Variants in CDH7 observed in about 807,000 individuals in gnomAD.
The protein encoded by CDH7 is cadherin 7.
In CDH7, 25 loss-of-function variants were observed where a neutral mutation model predicts 71.8. The ratio of observed to expected loss-of-function variants is 0.35; its 90% CI spans 0.25 to 0.49. CDH7 has a LOEUF of 0.49. Ranked by LOEUF, CDH7 falls within the 20% of genes least tolerant of loss-of-function variation. The probability of loss-of-function intolerance (pLI) is 0.99; values close to 1 mark genes in which losing one functional copy is unlikely to be tolerated. For missense variants in CDH7, 862 were observed against 974.6 expected (o/e 0.88, Z 1.54); for synonymous variants, 381 against 363.8 (o/e 1.05, Z -0.54).
intron 11 of CDH7, among the ~76,000 whole-genome samples, chr18:65,869,480 C>A (rs965284573): frequency 6.7e-6 from 1 of 149,216 alleles, no homozygotes; most frequent in African/African-American, 2.5e-5. Flanking sequence ...GTTGCTTTTT[C>A]TAAGACTCAT....
At chr18:65,826,630 G>A (rs1365944310) in intron 6 of CDH7, among the ~76,000 whole-genome samples, 1 of 151,220 alleles carries the variant, frequency 6.6e-6, no homozygotes, top group African/African-American at 2.4e-5. Context: ...AATGTTAATA[G>A]TATCATTTCT....
intron 2 of CDH7, among the ~76,000 whole-genome samples, chr18:65,799,704 G>A: frequency 1.3e-5 from 2 of 151,398 alleles, no homozygotes; most frequent in Non-Finnish European, 2.9e-5. Flanking sequence ...ATCCCACTCT[G>A]ATCCTTTGGT....
chr18:65,843,792 C>G lies in CDH7; in HGVS notation c.982-20C>G. ...ACTGTTTAACCGGTAATTTAATTTT[C>G]CTAACGACTTTCTTTACAGGAGCTG... On this transcript the variant is annotated intron_variant, in intron 6 of 11. Transcript: ENST00000397968. The G allele has an allele frequency of 6.8e-7, 1 of 1,474,566 alleles. No individual in the cohort carries two copies. The allele number at this position is 1,474,566 out of a possible 1,614,324, so 91.3% of individuals were successfully genotyped here.
chr18:65,878,438 G>A (rs1914131460), intron 11 of CDH7, among the ~76,000 whole-genome samples: 1 of 152,152 alleles, frequency 6.6e-6, no homozygotes, highest in African/African-American at 2.4e-5. Context: ...TAGGAAGGTT[G>A]GACAAGGCCT....
chr18:65,828,325 T>A (rs1277889859), intron 6 of CDH7, among the ~76,000 whole-genome samples: 1 of 152,116 alleles, frequency 6.6e-6, no homozygotes, highest in Non-Finnish European at 1.5e-5. Context: ...TCTTTTCACT[T>A]GCAAAAATTG....
In CDH7 at chr18:65,885,684, G is replaced by C. The variant is rs1914359737; in HGVS notation, c.*4790G>C. On this transcript the variant is annotated 3_prime_UTR_variant, in exon 12 of 12. Transcript: ENST00000397968. Reference sequence around the variant, plus strand: ...CCCGGCCCTGTGTGTGCGTTTTCATGTGTGTGATTGGGAACCTTGAGAGAT... The same window carrying C: ...CCCGGCCCTGTGTGTGCGTTTTCATCTGTGTGATTGGGAACCTTGAGAGAT... The C allele has an allele frequency of 6.6e-6, 1 of 152,142 alleles. No homozygotes were observed. Among genetic ancestry groups the C allele is most frequent in the African/African-American group, 2.4e-5 (1 of 41,428 alleles). 9.4% of individuals were successfully genotyped at this position (152,142 alleles called of 1,614,324 possible).
chr18:65,857,204 C>T (rs1913389917), intron 7 of CDH7, among the ~76,000 whole-genome samples: 1 of 151,260 alleles, frequency 6.6e-6, no homozygotes, highest in Admixed American at 6.6e-5. Context: ...TGAATTTAGC[C>T]AGTGATGGTG....
chr18:65,875,361 A>T (rs908881466), intron 11 of CDH7, among the ~76,000 whole-genome samples: 20 of 152,196 alleles, frequency 1.3e-4, no homozygotes, highest in African/African-American at 4.6e-4. Flanking sequence ...CTCCAATAGA[A>T]ATCATGTTCC....
Position 65,824,803 on chromosome 18 carries a change from C to T in CDH7, c.953C>T (p.Thr318Ile), listed in dbSNP as rs772673849. The T allele has an allele frequency of 6.2e-7, 1 of 1,610,938 alleles. No homozygotes were observed. The highest frequency in any genetic ancestry group is 1.1e-5 in the South Asian group (1 of 90,920). The change falls in exon 6 of 12, where the codon ACC becomes ATC. Residue 318 changes from threonine to isoleucine, a missense_variant. Thr to Ile is a moderately conservative substitution (Grantham distance 89). Transcript: ENST00000397968. ...TTTAAGATTTCTGTTGACAAAGAAA[C>T]CCAGGAAGGAATCATTACTATACAG... Reference protein sequence around the residue: ...GIFKISVDKETQEGIITIQKE... With the variant: ...GIFKISVDKEIQEGIITIQKE...
chr18:65,824,911 C>A, intron 6 of CDH7, 80 bp downstream of exon 6: 2 of 910,504 alleles, frequency 2.2e-6, no homozygotes, highest in Non-Finnish European at 3.2e-6. Flanking sequence ...ACTAGACAAA[C>A]CGAATGGCCA....
At chr18:65,794,324 T>C (rs918033225) in intron 2 of CDH7, among the ~76,000 whole-genome samples, 9 of 152,138 alleles carry the variant, frequency 5.9e-5, no homozygotes, top group Admixed American at 4.6e-4. Context: ...AATAGCGATG[T>C]GTTTTAATAA....
intron 2 of CDH7, among the ~76,000 whole-genome samples, chr18:65,788,160 T>C (rs953131325): frequency 5.3e-5 from 8 of 152,184 alleles, no homozygotes; most frequent in Non-Finnish European, 7.3e-5. Context: ...AACAACTTAT[T>C]AAACTGTTCA....
chr18:65,830,967 T>C (rs1912329051), intron 6 of CDH7, among the ~76,000 whole-genome samples: 1 of 152,026 alleles, frequency 6.6e-6, no homozygotes, highest in South Asian at 2.1e-4. Flanking sequence ...AATACATCTT[T>C]TTAAAAAATT....
chr18:65,853,905 C>CTA (rs1491433359), intron 7 of CDH7, among the ~76,000 whole-genome samples: 2 of 43,056 alleles, frequency 4.6e-5, no homozygotes, highest in African/African-American at 9.9e-5. Flanking sequence ...TCATAAATTA[C>CTA]CATATATATA....
chr18:65,813,622 G>C (rs960696911), intron 3 of CDH7, among the ~76,000 whole-genome samples: 1 of 151,840 alleles, frequency 6.6e-6, no homozygotes, highest in African/African-American at 2.4e-5. Flanking sequence ...AAAGGGGCTT[G>C]TTCCATATTT....
At chr18:65,835,269 A>G (rs1029494742) in intron 6 of CDH7, among the ~76,000 whole-genome samples, 2 of 152,216 alleles carry the variant, frequency 1.3e-5, no homozygotes, top group Admixed American at 6.5e-5. Flanking sequence ...AGATTCAGGT[A>G]GTGAAGGGAA....
intron 7 of CDH7, among the ~76,000 whole-genome samples, chr18:65,854,121 A>G (rs1384094166): frequency 2.0e-5 from 3 of 151,122 alleles, no homozygotes; most frequent in Admixed American, 6.6e-5. Flanking sequence ...CCCTGGCAGC[A>G]ATAGTGAGAC....
At chr18:65,829,613 C>G (rs1287397467) in intron 6 of CDH7, among the ~76,000 whole-genome samples, 6 of 151,990 alleles carry the variant, frequency 3.9e-5, no homozygotes, top group Admixed American at 1.3e-4. Flanking sequence ...TCCAGTTCTT[C>G]AAACCTCCCC....
intron 11 of CDH7, among the ~76,000 whole-genome samples, chr18:65,875,906 G>A (rs1914060110): frequency 1.3e-5 from 2 of 152,252 alleles, no homozygotes; most frequent in South Asian, 4.1e-4. Context: ...TTCAGCCTGG[G>A]TGACAAAGTG....
Sources: allele counts gnomAD v4.1 joint callset (sites outside exome capture counted in the v4.1 genomes callset), GRCh38; gene constraint gnomAD v4.1.1; transcripts MANE v1.5; gene names NCBI Gene and HGNC (gene_info 2026-07-23, HGNC 2026-07-21).